Variants in PCDHA12 observed in about 807,000 individuals in gnomAD.
PCDHA12 encodes protocadherin alpha-12.
Under a neutral mutation model 60.0 loss-of-function variants are expected in PCDHA12, and 44 were observed. That is an observed-to-expected ratio of 0.73 (90% confidence interval 0.58 to 0.94). The LOEUF is 0.94. PCDHA12 is among the 40% of genes least tolerant of loss of function. The probability of loss-of-function intolerance (pLI) is 0.00; values close to 1 mark genes in which losing one functional copy is unlikely to be tolerated. For synonymous variants in PCDHA12, 569 were observed against 553.0 expected, an observed-to-expected ratio of 1.03 and a Z score of -0.40; for missense variants, 1,276 against 1,239.7, an observed-to-expected ratio of 1.03 and a Z score of -0.44.
chr5:140,967,520 G>A, intron 1 of PCDHA12: 1 of 1,612,918 alleles, frequency 6.2e-7, no homozygotes, highest in East Asian at 2.2e-5. Context: ...GGACACTAAC[G>A]ACAACTCTCC....
intron 1 of PCDHA12, among the ~76,000 whole-genome samples, chr5:140,951,551 A>T (rs246040): frequency 0.31 from 47,721 of 151,608 alleles, 7,835 homozygotes; most frequent in East Asian, 0.53. Flanking sequence ...GACGGGGGGA[A>T]GTGCTACGCA....
chr5:141,008,147 G>A (rs782783615), intron 3 of PCDHA12, among the ~76,000 whole-genome samples: 9 of 152,114 alleles, frequency 5.9e-5, no homozygotes, highest in Non-Finnish European at 1.3e-4. Context: ...CTGCTGAGAG[G>A]TTTGATAAGA....
chr5:140,919,239 C>G (rs2079049864), intron 1 of PCDHA12, among the ~76,000 whole-genome samples: 1 of 152,188 alleles, frequency 6.6e-6, no homozygotes, highest in Non-Finnish European at 1.5e-5. Context: ...CACTTTTTGT[C>G]TTGTCTGTTT....
intron 2 of PCDHA12, among the ~76,000 whole-genome samples, chr5:140,979,425 A>G (rs1009935948): frequency 2.0e-5 from 3 of 151,814 alleles, no homozygotes; most frequent in African/African-American, 7.3e-5. Context: ...TTTTAATCTC[A>G]CATTGGCTAT....
rs573174481 is a variant in PCDHA12 at position 140,990,482 on chromosome 5, T to C, written c.2515+7919T>C. Among the ~76,000 whole-genome samples, 3 of 152,318 alleles carry C rather than the reference T, an allele frequency of 2.0e-5. No homozygotes were observed. In the South Asian group the frequency reaches 6.2e-4, roughly 32 times the overall value. On this transcript the variant is annotated intron_variant, in intron 3 of 3. Transcript: ENST00000398631. ...AGGTGGTATCATGTATCAAGCTGAA[T>C]AGTGAGGTGACATTCCCCAAGTCTT... is the stretch of plus-strand genomic sequence containing the variant.
rs111391918 is a variant in PCDHA12 at position 140,984,395 on chromosome 5, G to A, written c.2515+1832G>A. ...CCCTCTTTCAGATTCAAAAAATGTTGAGAACCTATCTTTTTTACAGAGATA... is the reference window on the plus strand; with the variant it reads ...CCCTCTTTCAGATTCAAAAAATGTTAAGAACCTATCTTTTTTACAGAGATA... On this transcript the variant is annotated intron_variant, in intron 3 of 3. Coordinates refer to ENST00000398631, the MANE Select transcript of PCDHA12 (RefSeq NM_018903.4). 6.4e-3 allele frequency among the ~76,000 whole-genome samples: 978 copies of A among 152,194 alleles called. 14 individuals are homozygous for A. Among genetic ancestry groups the A allele is most frequent in the African/African-American group, 0.023 (947 of 41,508 alleles).
intron 1 of PCDHA12, among the ~76,000 whole-genome samples, chr5:140,942,781 A>G (rs1554215214): frequency 6.6e-6 from 1 of 152,214 alleles, no homozygotes; most frequent in Admixed American, 6.5e-5. Context: ...TTTAGGCAGA[A>G]TATTACAAAG....
In PCDHA12 at chr5:140,996,437, G is replaced by A. The variant is rs1013018828; in HGVS notation, c.2516-13190G>A. On this transcript the variant is annotated intron_variant, in intron 3 of 3. Coordinates refer to ENST00000398631, the MANE Select transcript of PCDHA12 (RefSeq NM_018903.4). Reference sequence around the variant, plus strand: ...AGTGTGAAAACTTTGGGAATAGTCAGTGTCAAGTTGTGGTGCTAAGGGAGG... The same window carrying A: ...AGTGTGAAAACTTTGGGAATAGTCAATGTCAAGTTGTGGTGCTAAGGGAGG... Among the ~76,000 whole-genome samples the A allele has an allele frequency of 4.6e-5, 7 of 152,224 alleles. 1 individual carries two copies. The highest frequency in any genetic ancestry group is 2.6e-4 in the Admixed American group (4 of 15,280).
At chr5:140,901,716 G>A (rs555901106) in intron 1 of PCDHA12, among the ~76,000 whole-genome samples, 1 of 152,176 alleles carries the variant, frequency 6.6e-6, no homozygotes, top group South Asian at 2.1e-4. Flanking sequence ...TTTTCAGATT[G>A]TCTTTTCTAT....
chr5:141,001,213 A>G (rs2097997873), intron 3 of PCDHA12, among the ~76,000 whole-genome samples: 1 of 152,154 alleles, frequency 6.6e-6, no homozygotes, highest in African/African-American at 2.4e-5. Context: ...TGTGCTGTAT[A>G]AGGATAGTTA....
intron 1 of PCDHA12, among the ~76,000 whole-genome samples, chr5:140,941,058 T>C (rs1554213707): frequency 6.6e-6 from 1 of 152,106 alleles, no homozygotes; most frequent in East Asian, 1.9e-4. Context: ...TCCCCAGCAG[T>C]TTTCTGGGCT....
intron 1 of PCDHA12, among the ~76,000 whole-genome samples, chr5:140,891,498 G>C (rs566885852): frequency 6.6e-6 from 1 of 151,186 alleles, no homozygotes; most frequent in East Asian, 1.9e-4. Flanking sequence ...CATATCCTCA[G>C]CTATAATGTT....
intron 2 of PCDHA12, among the ~76,000 whole-genome samples, chr5:140,979,906 C>T (rs190577549): frequency 1.8e-4 from 27 of 152,204 alleles, no homozygotes; most frequent in African/African-American, 5.5e-4. Context: ...TAGATCAGTT[C>T]GTAAAGAGAA....
chr5:141,002,195 A>G (rs2098065094), intron 3 of PCDHA12, among the ~76,000 whole-genome samples: 1 of 152,244 alleles, frequency 6.6e-6, no homozygotes, highest in South Asian at 2.1e-4. Flanking sequence ...CTGGCAAGAT[A>G]GTCCCCGGCT....
intron 1 of PCDHA12, among the ~76,000 whole-genome samples, chr5:140,941,374 T>C (rs1188935172): frequency 6.7e-6 from 1 of 148,216 alleles, no homozygotes; most frequent in African/African-American, 2.5e-5. Flanking sequence ...TGGAGTGTAG[T>C]GACAGGATTT....
intron 1 of PCDHA12, among the ~76,000 whole-genome samples, chr5:140,977,004 A>C (rs1554238156): frequency 6.6e-6 from 1 of 152,222 alleles, no homozygotes; most frequent in East Asian, 1.9e-4. Flanking sequence ...GAAATCTTGT[A>C]ACTGTGATTC....
intron 1 of PCDHA12, among the ~76,000 whole-genome samples, chr5:140,921,032 T>A (rs6887800): frequency 0.023 from 3,565 of 152,036 alleles, 50 homozygotes; most frequent in Middle Eastern, 0.034. Context: ...TAGACTGGGG[T>A]GCAGTGGGGC....
intron 1 of PCDHA12, among the ~76,000 whole-genome samples, chr5:140,901,437 C>G (rs1554189835): frequency 1.3e-5 from 2 of 152,132 alleles, no homozygotes; most frequent in Non-Finnish European, 2.9e-5. Flanking sequence ...ATATGGATAT[C>G]TAGTTTCCCA....
intron 1 of PCDHA12, among the ~76,000 whole-genome samples, chr5:140,931,278 T>G (rs1488323710): frequency 1.3e-5 from 2 of 152,174 alleles, no homozygotes; most frequent in Non-Finnish European, 2.9e-5. Context: ...TCTTTTATTT[T>G]CATTGCTTTC....
Sources: allele counts gnomAD v4.1 joint callset (sites outside exome capture counted in the v4.1 genomes callset), GRCh38; gene constraint gnomAD v4.1.1; transcripts MANE v1.5; gene names NCBI Gene and HGNC (gene_info 2026-07-23, HGNC 2026-07-21).